Variants in GLI2 observed in about 807,000 individuals in gnomAD.
GLI2 encodes GLI family zinc finger 2, also known as transcription activator GLI2.
GLI2 carries 22 observed loss-of-function variants against 78.9 expected under a neutral mutation model. That is an observed-to-expected ratio of 0.28 (90% confidence interval 0.20 to 0.40). The LOEUF is 0.40. Among genes scored for constraint, GLI2 ranks in the 10% least tolerant of loss-of-function variants. The pLI, the probability that GLI2 is intolerant of heterozygous loss-of-function variation, is 1.00. For synonymous variants in GLI2, 974 were observed against 963.7 expected (o/e 1.01, Z -0.20); for missense variants, 2,097 against 2,213.2 (o/e 0.95, Z 1.05).
chr2:120,886,486 C>T (rs1268150760), intron 2 of GLI2, among the ~76,000 whole-genome samples: 3 of 152,108 alleles, frequency 2.0e-5, no homozygotes, highest in Admixed American at 6.5e-5. Flanking sequence ...AGGCTGATCT[C>T]GAACTCCTGG....
At chr2:120,987,649 C>T (rs528565895) in intron 13 of GLI2, among the ~76,000 whole-genome samples, 14 of 152,292 alleles carry the variant, frequency 9.2e-5, no homozygotes, top group East Asian at 7.7e-4. Flanking sequence ...ATCTCAGGGA[C>T]GCCTAGGTGG....
At chr2:120,770,678 G>A (rs1683496526) in intron 1 of GLI2, among the ~76,000 whole-genome samples, 1 of 152,142 alleles carries the variant, frequency 6.6e-6, no homozygotes, top group South Asian at 2.1e-4. Context: ...TGAACCTCAG[G>A]GACCCTCAAT....
At chr2:120,974,778 G>A in intron 8 of GLI2, 197 bp from the exon 9 acceptor site, 2 of 699,058 alleles carry the variant, frequency 2.9e-6, no homozygotes, top group Non-Finnish European at 4.9e-6. Context: ...AAAGGCTGAT[G>A]AGTGTGTGTG....
At chr2:120,835,425 A>G (rs764481865) in intron 2 of GLI2, among the ~76,000 whole-genome samples, 6 of 144,896 alleles carry the variant, frequency 4.1e-5, no homozygotes, top group Non-Finnish European at 7.5e-5. Context: ...TCGCTCTGTC[A>G]CCCAGGCTGG....
intron 2 of GLI2, among the ~76,000 whole-genome samples, chr2:120,884,101 C>A (rs1677285972): frequency 6.6e-6 from 1 of 152,228 alleles, no homozygotes; most frequent in South Asian, 2.1e-4. Context: ...GCTGGGCTCA[C>A]AACCACAGAA....
chr2:120,776,871 G>A (rs1330705322), intron 1 of GLI2, among the ~76,000 whole-genome samples: 3 of 152,188 alleles, frequency 2.0e-5, no homozygotes, highest in South Asian at 4.1e-4. Flanking sequence ...TGAGTGCAGC[G>A]TGTAGAGGGC....
At chr2:120,788,255 C>G (rs1385669921) in intron 1 of GLI2, among the ~76,000 whole-genome samples, 1 of 152,224 alleles carries the variant, frequency 6.6e-6, no homozygotes, top group Admixed American at 6.5e-5. Context: ...GACGTGTGCA[C>G]AGGTGGTGTC....
At chr2:120,911,743 A>G (rs1678831154) in intron 2 of GLI2, among the ~76,000 whole-genome samples, 1 of 151,760 alleles carries the variant, frequency 6.6e-6, no homozygotes, top group Non-Finnish European at 1.5e-5. Flanking sequence ...GGCAGAAGAA[A>G]GGTCCAGGAA....
chr2:120,820,467 C>A (rs933119721), intron 2 of GLI2, among the ~76,000 whole-genome samples: 2 of 152,202 alleles, frequency 1.3e-5, no homozygotes, highest in African/African-American at 2.4e-5. Flanking sequence ...CTGATGCTGG[C>A]GGCAAAGAAG....
At position 120,769,660 on chromosome 2, in the gene GLI2, C is replaced by T. The variant is rs139616621; in HGVS notation, c.-30-27631C>T. Reference sequence around the variant, plus strand: ...TGCATGCATGTACACATGTGCTGTGCGGCTGTGTGAGAGCGTGTGTGTGTT... The same window carrying T: ...TGCATGCATGTACACATGTGCTGTGTGGCTGTGTGAGAGCGTGTGTGTGTT... On this transcript the variant is annotated intron_variant, in intron 1 of 13. Coordinates refer to ENST00000361492, the MANE Select transcript of GLI2 (RefSeq NM_001374353.1). 7.0e-3 allele frequency among the ~76,000 whole-genome samples: 1,061 copies of T among 152,240 alleles called. 9 individuals carry two copies. Among genetic ancestry groups the T allele is most frequent in the African/African-American group, 0.023 (957 of 41,542 alleles).
intron 2 of GLI2, among the ~76,000 whole-genome samples, chr2:120,923,021 C>T (rs1029242853): frequency 3.9e-5 from 6 of 152,100 alleles, no homozygotes; most frequent in Non-Finnish European, 5.9e-5. Flanking sequence ...CAGGCCCCTC[C>T]TCCAACACAC....
At chr2:120,945,282 G>GCA (rs376141682) in intron 3 of GLI2, among the ~76,000 whole-genome samples, 20 of 152,200 alleles carry the variant, frequency 1.3e-4, no homozygotes, top group Non-Finnish European at 2.2e-4. Flanking sequence ...CATGTGCACA[G>GCA]CACACACACA....
At chr2:120,984,236 C>G (rs1218747006) in intron 11 of GLI2, among the ~76,000 whole-genome samples, 1 of 152,140 alleles carries the variant, frequency 6.6e-6, no homozygotes, top group Non-Finnish European at 1.5e-5. Context: ...GTGGCAGGAC[C>G]CCCCGTGGCC....
chr2:120,807,457 A>G (rs1049268778), intron 2 of GLI2, among the ~76,000 whole-genome samples: 5 of 152,142 alleles, frequency 3.3e-5, no homozygotes, highest in Admixed American at 6.5e-5. Context: ...ATGATTCTTA[A>G]TTCAAGAACT....
In GLI2 at chr2:120,988,824, C is replaced by T. The variant is rs1476081450; in HGVS notation, c.2859C>T (p.Ser953=). The T allele has an allele frequency of 2.8e-6, 4 of 1,447,606 alleles. No homozygotes were observed. Among genetic ancestry groups the T allele is most frequent in the African/African-American group, 1.5e-5 (1 of 66,778 alleles). The allele number at this position is 1,447,606 out of a possible 1,614,324, so 89.7% of individuals were successfully genotyped here. A position where few individuals can be genotyped will look rare whatever the true frequency, so the allele number is the denominator to read the frequency against. Residue 953 remains serine, a synonymous_variant, in exon 14 of 14, where the codon AGC becomes AGT. Transcript: ENST00000361492. ...EAPGGGARRA[S]DPVRRPDALS... ...CAGGCGGCGGAGCCAGGCGGGCCAG[C>T]GACCCTGTGCGGCGGCCCGATGCCC...
Position 120,811,024 on chromosome 2 carries a change from C to T in GLI2, c.148+13556C>T, listed in dbSNP as rs781249870. ...TTATTGGCTAGGCCTGGGTCCCATG[C>T]ACCCTTGTGAACCATCCACTGTGAC... is the stretch of plus-strand genomic sequence containing the variant. On this transcript the variant is annotated intron_variant, in intron 2 of 13. Transcript: ENST00000361492. Among the ~76,000 whole-genome samples, 195 of 152,340 alleles carry T rather than the reference C, an allele frequency of 1.3e-3. 1 individual carries two copies. The highest frequency in any genetic ancestry group is 1.8e-3 in the Non-Finnish European group (122 of 68,036).
At chr2:120,973,255 G>A (rs983904940) in intron 8 of GLI2, among the ~76,000 whole-genome samples, 6 of 152,322 alleles carry the variant, frequency 3.9e-5, no homozygotes, top group Middle Eastern at 3.4e-3. Context: ...GACCATCATC[G>A]GGAGCCAATG....
At chr2:120,886,667 A>G (rs1179891549) in intron 2 of GLI2, among the ~76,000 whole-genome samples, 1 of 152,190 alleles carries the variant, frequency 6.6e-6, no homozygotes, top group Non-Finnish European at 1.5e-5. Flanking sequence ...AGAGGTGGAA[A>G]GGCTGGGAGC....
At chr2:120,932,123 G>C (rs148019777) in intron 3 of GLI2, among the ~76,000 whole-genome samples, 2 of 152,218 alleles carry the variant, frequency 1.3e-5, no homozygotes, top group Admixed American at 6.5e-5. Flanking sequence ...TGATGAATGT[G>C]GTTGGAGCCC....
Sources: allele counts gnomAD v4.1 joint callset (sites outside exome capture counted in the v4.1 genomes callset), GRCh38; gene constraint gnomAD v4.1.1; transcripts MANE v1.5; gene names NCBI Gene and HGNC (gene_info 2026-07-23, HGNC 2026-07-21).